The following HDAC8 variants were observed in gnomAD, a reference collection of about 807,000 sequenced individuals.
The protein encoded by HDAC8 is histone deacetylase 8.
A neutral mutation model predicts 32.2 loss-of-function variants in HDAC8; 1 was observed. That is an observed-to-expected ratio of 0.03 (90% CI 0.01 to 0.15). The LOEUF is 0.15. HDAC8 is among the 10% of genes least tolerant of loss of function. The pLI is 1.00. For synonymous variants in HDAC8, 108 were observed against 113.9 expected (o/e 0.95, Z 0.33); for missense variants, 117 against 300.0 (o/e 0.39, Z 4.51).
chrX:72,494,897 G>C (rs2048975040), intron 5 of HDAC8, among the ~76,000 whole-genome samples: 1 of 111,524 alleles, frequency 9.0e-6, no homozygotes, highest in Admixed American at 9.5e-5. Context: ...CACTAGGTAA[G>C]ATTTTCACTT....
At chrX:72,372,914 A>G (rs1389536996) in intron 9 of HDAC8, among the ~76,000 whole-genome samples, 1 of 111,804 alleles carries the variant, frequency 8.9e-6, no homozygotes, top group Non-Finnish European at 1.9e-5. Context: ...TGAGTCAGCG[A>G]CTGTGTTAAA....
At chrX:72,537,878 T>G (rs1556040334) in intron 4 of HDAC8, among the ~76,000 whole-genome samples, 2 of 111,912 alleles carry the variant, frequency 1.8e-5, no homozygotes, top group Admixed American at 9.5e-5. Flanking sequence ...AGACAGTACA[T>G]GAAAGGCATT....
rs782688461 is a variant in HDAC8, at chrX:72,460,245, G to A, written c.1005+1759C>T. On this transcript the variant is annotated intron_variant, in intron 9 of 10. Transcript: ENST00000373573. ...TCCACCTTCCGGGTTCAAGCAATTC[G>A]CTTGCCTCAGCCTCCCGAGTAGCTG... is the stretch of plus-strand genomic sequence containing the variant. Among the ~76,000 whole-genome samples the A allele has an allele frequency of 1.5e-4, 17 of 110,231 alleles. No homozygotes were observed. The East Asian group carries it at 3.4e-3, about 22-fold the overall frequency.
intron 4 of HDAC8, among the ~76,000 whole-genome samples, chrX:72,547,585 C>T (rs782662064): frequency 3.6e-5 from 4 of 110,492 alleles, no homozygotes; most frequent in African/African-American, 9.9e-5. Flanking sequence ...ATGCACACCA[C>T]CACCTATTCC....
intron 7 of HDAC8, among the ~76,000 whole-genome samples, chrX:72,484,146 A>G (rs1254872059): frequency 8.9e-6 from 1 of 112,393 alleles, no homozygotes; most frequent in South Asian, 3.7e-4. Flanking sequence ...ATAGTCTTTG[A>G]TGGGGAAGAA....
chrX:72,571,314 T>C (rs2052037524), intron 2 of HDAC8, among the ~76,000 whole-genome samples: 3 of 110,919 alleles, frequency 2.7e-5, no homozygotes, highest in African/African-American at 9.9e-5. Context: ...ACTCACACCC[T>C]CAAATCTGGC....
At chrX:72,527,773 T>C (rs1443160061) in intron 4 of HDAC8, among the ~76,000 whole-genome samples, 2 of 90,895 alleles carry the variant, frequency 2.2e-5, no homozygotes, top group Non-Finnish European at 4.4e-5. Context: ...TTCTGACCTC[T>C]TTTTTTTTTT....
intron 9 of HDAC8, among the ~76,000 whole-genome samples, chrX:72,362,462 C>T (rs1213680993): frequency 8.9e-6 from 1 of 111,980 alleles, no homozygotes. Context: ...TCCTTCATAG[C>T]AATGCAGATG....
At chrX:72,339,692 A>G (rs1357719308) in intron 10 of HDAC8, among the ~76,000 whole-genome samples, 1 of 111,913 alleles carries the variant, frequency 8.9e-6, no homozygotes, top group Non-Finnish European at 1.9e-5. Flanking sequence ...ATTGTCAGGG[A>G]GCAGGGGATC....
rs1556163925 is a variant in HDAC8, at chrX:72,572,599, G to GCCCCCC, written c.111+51_111+52insGGGGGG. ...GCTTCCTAACGCTCTTTCGTCCACC[G>GCCCCCC]CCCCCACCCCCACCCCCAAAGCCCA... On this transcript the variant is annotated intron_variant, in intron 1 of 10. Coordinates refer to ENST00000373573, the MANE Select transcript of HDAC8 (RefSeq NM_018486.3). 1.8e-5 allele frequency: 8 copies of GCCCCCC among 453,080 alleles called. 1 individual carries two copies. The highest frequency in any genetic ancestry group is 1.7e-4 in the African/African-American group (5 of 29,687). 37.3% of individuals were successfully genotyped at this position (453,080 alleles called of 1,213,427 possible).
In HDAC8 at chrX:72,472,595, T is replaced by C. The variant is rs549044723; in HGVS notation, c.738-7864A>G. ...GTAGTTTTGTTGTAAGTTTTAAAGT[T>C]GAGAAGTTTGAGTTTTCTAACTTTG... On this transcript the variant is annotated intron_variant, in intron 7 of 10. Coordinates refer to ENST00000373573, the MANE Select transcript of HDAC8 (RefSeq NM_018486.3). Among the ~76,000 whole-genome samples, 7 of 111,983 alleles carry C rather than the reference T, an allele frequency of 6.3e-5. 1 individual carries two copies. The East Asian group carries it at 2.0e-3, about 31-fold the overall frequency.
chrX:72,369,508 C>T (rs1555955669), intron 9 of HDAC8, among the ~76,000 whole-genome samples: 1 of 112,403 alleles, frequency 8.9e-6, no homozygotes, highest in Non-Finnish European at 1.9e-5. Flanking sequence ...TTGTTAAGTG[C>T]AAATCACTCT....
At chrX:72,569,433 A>G (rs1556145165) in intron 2 of HDAC8, among the ~76,000 whole-genome samples, 1 of 112,223 alleles carries the variant, frequency 8.9e-6, no homozygotes, top group Admixed American at 9.5e-5. Context: ...CTTATTTGTA[A>G]AATGGGGAAC....
chrX:72,442,762 C>A (rs1555982545), intron 9 of HDAC8, among the ~76,000 whole-genome samples: 1 of 111,864 alleles, frequency 8.9e-6, no homozygotes, highest in Non-Finnish European at 1.9e-5. Context: ...AGAATCAAGA[C>A]CCATCAGTGT....
intron 9 of HDAC8, among the ~76,000 whole-genome samples, chrX:72,379,365 G>A (rs2147817931): frequency 9.2e-6 from 1 of 109,248 alleles, no homozygotes; most frequent in African/African-American, 3.3e-5. Flanking sequence ...TTGTTTCTTT[G>A]TATATCTTAC....
intron 9 of HDAC8, among the ~76,000 whole-genome samples, chrX:72,421,789 T>C (rs1411048067): frequency 8.9e-6 from 1 of 111,962 alleles, no homozygotes; most frequent in African/African-American, 3.2e-5. Context: ...CAGTCTAGTG[T>C]CCTTTCACTT....
intron 9 of HDAC8, among the ~76,000 whole-genome samples, chrX:72,415,241 T>C (rs1555971364): frequency 8.9e-6 from 1 of 112,175 alleles, no homozygotes; most frequent in African/African-American, 3.2e-5. Flanking sequence ...CAAAATTTAG[T>C]TGGCCGTATT....
chrX:72,443,198 A>G (rs2047230113), intron 9 of HDAC8, among the ~76,000 whole-genome samples: 1 of 110,879 alleles, frequency 9.0e-6, no homozygotes, highest in Admixed American at 9.6e-5. Context: ...ATAGACATCT[A>G]CAGAACTCTC....
At chrX:72,409,690 C>T (rs1849808303) in intron 9 of HDAC8, among the ~76,000 whole-genome samples, 1 of 112,575 alleles carries the variant, frequency 8.9e-6, no homozygotes, top group East Asian at 2.8e-4. Context: ...ATGCCACTTC[C>T]TCTGTGAAGT....
Sources: allele counts gnomAD v4.1 joint callset (sites outside exome capture counted in the v4.1 genomes callset), GRCh38; gene constraint gnomAD v4.1.1; transcripts MANE v1.5; gene names NCBI Gene and HGNC (gene_info 2026-07-23, HGNC 2026-07-21).